The following LIG1 variants were observed in gnomAD, a reference collection of about 807,000 sequenced individuals.
LIG1 encodes the protein DNA ligase 1.
A neutral mutation model predicts 115.7 loss-of-function variants in LIG1; 70 were observed. That is an observed-to-expected ratio of 0.60 (90% confidence interval 0.50 to 0.74). The LOEUF (loss-of-function observed/expected upper bound fraction) is 0.74. LIG1 is among the 30% of genes least tolerant of loss of function. LIG1 has a pLI of 0.00. For synonymous variants in LIG1, 487 were observed against 495.3 expected (o/e 0.98, Z 0.22); for missense variants, 1,115 against 1,225.6 (o/e 0.91, Z 1.35).
intron 1 of LIG1, 49 bp from the exon 2 acceptor site, chr19:48,165,672 T>C (rs1014909187): frequency 3.1e-6 from 4 of 1,310,578 alleles, no homozygotes; most frequent in Non-Finnish European, 4.4e-6. Flanking sequence ...TGTGCAGAGA[T>C]CTAAACACAC....
intron 1 of LIG1, among the ~76,000 whole-genome samples, chr19:48,168,996 GAA>G (rs1251973769): frequency 6.6e-6 from 1 of 152,058 alleles, no homozygotes; most frequent in African/African-American, 2.4e-5. Context: ...ATAATGACAG[GAA>G]AAATATCAAG....
At chr19:48,117,886 C>T in intron 25 of LIG1, 105 bp from the exon 26 acceptor site, 2 of 1,186,748 alleles carry the variant, frequency 1.7e-6, no homozygotes, top group South Asian at 2.6e-5. Context: ...AACAGGCACC[C>T]CCTTGAAGTA....
chr19:48,123,870 A>G (rs1329763601), intron 21 of LIG1, among the ~76,000 whole-genome samples: 1 of 152,028 alleles, frequency 6.6e-6, no homozygotes, highest in African/African-American at 2.4e-5. Flanking sequence ...AAAAAAAAAA[A>G]GTCCTCCTTT....
intron 18 of LIG1, 64 bp downstream of exon 18, chr19:48,132,918 A>G: frequency 8.2e-7 from 1 of 1,215,096 alleles, no homozygotes; most frequent in Admixed American, 1.7e-5. Flanking sequence ...GGCCTCAGTG[A>G]CCCCACACCC....
intron 4 of LIG1, among the ~76,000 whole-genome samples, chr19:48,157,946 G>T (rs536713775): frequency 6.6e-6 from 1 of 152,168 alleles, no homozygotes; most frequent in Non-Finnish European, 1.5e-5. Context: ...TTCAGGTCAC[G>T]TGGGCAGATC....
Position 48,157,073 on chromosome 19 carries a change from G to A in LIG1, c.311C>T (p.Ser104Phe), listed in dbSNP as rs751538734. 29 of 1,613,362 alleles carry A rather than the reference G, an allele frequency of 1.8e-5. No individual in the cohort carries two copies. The highest frequency in any genetic ancestry group is 2.5e-5 in the Non-Finnish European group (29 of 1,179,508). The change falls in exon 5 of 28, where the codon TCC (serine) becomes TTC (phenylalanine). Residue 104 changes from serine to phenylalanine, a missense_variant. Transcript: ENST00000263274. ...RPATSPENNA[S>F]LSDTSPMDSS... Reference sequence around the variant, plus strand: ...GTCCATGGGAGAGGTGTCAGAGAGGGAAGCATTGTTCTCAGGAGATGTGGC... The same window carrying A: ...GTCCATGGGAGAGGTGTCAGAGAGGAAAGCATTGTTCTCAGGAGATGTGGC...
chr19:48,137,166 G>T lies in LIG1; in HGVS notation c.1255-82C>A. On this transcript the variant is annotated intron_variant, in intron 13 of 27. Coordinates refer to ENST00000263274, the MANE Select transcript of LIG1 (RefSeq NM_000234.3). This position sits in a 1 kb window ranked among gnomAD's most constrained non-coding sequence, Gnocchi z 4.3. ...ACCCCACCAGCCGTGCTGCTGCCCT[G>T]CATTTTGGAATACCTGCCCTCCTTC... The T allele has an allele frequency of 8.3e-7, 1 of 1,201,456 alleles. No homozygotes were observed. The highest frequency in any genetic ancestry group is 1.2e-6 in the Non-Finnish European group (1 of 823,918). 74.4% of individuals were successfully genotyped at this position (1,201,456 alleles called of 1,614,324 possible).
At chr19:48,141,764 G>C (rs2034772572) in intron 11 of LIG1, among the ~76,000 whole-genome samples, 1 of 152,178 alleles carries the variant, frequency 6.6e-6, no homozygotes, top group Non-Finnish European at 1.5e-5. Flanking sequence ...TCATTACCGA[G>C]GTTTTTAAGG....
chr19:48,157,353 TTC>T (rs2035916140), intron 4 of LIG1, among the ~76,000 whole-genome samples: 1 of 152,110 alleles, frequency 6.6e-6, no homozygotes, highest in Non-Finnish European at 1.5e-5. Context: ...CCCATAGCTC[TTC>T]TGTTTTCTAC....
In LIG1 at chr19:48,123,071, A is replaced by G. The variant is rs886904766; in HGVS notation, c.2150-55T>C. 6 of 1,611,572 alleles carry G rather than the reference A, an allele frequency of 3.7e-6. No individual in the cohort carries two copies. The Admixed American group carries it at 5.0e-5, about 13-fold the overall frequency. ...GGAAGCCCTGGCTCACAAGCGCCGG[A>G]GCAGGCAGGATTCTGGTCAAACGGT... On this transcript the variant is annotated intron_variant, in intron 22 of 27. Coordinates refer to ENST00000263274, the MANE Select transcript of LIG1 (RefSeq NM_000234.3).
chr19:48,136,849 G>C (rs762646373), intron 14 of LIG1, among the ~76,000 whole-genome samples, 159 bp downstream of exon 14: 12 of 152,204 alleles, frequency 7.9e-5, no homozygotes, highest in Non-Finnish European at 1.8e-4. Context: ...AAAGGAAATG[G>C]TGTCCCTTCC....
At chr19:48,119,328 G>C (rs2033099496) in intron 24 of LIG1, 138 bp from the exon 25 acceptor site, 1 of 738,618 alleles carries the variant, frequency 1.4e-6, no homozygotes, top group South Asian at 1.5e-5. Context: ...CAGGGAAGTA[G>C]GGAGCTGGGG....
At position 48,122,399 on chromosome 19, in the gene LIG1, G is replaced by A. The variant is rs2033348876; in HGVS notation, c.2232+535C>T. 5.4e-6 allele frequency: 1 copy of A among 186,514 alleles called. No homozygotes were observed. The allele number at this position is 186,514 out of a possible 1,614,324, so 11.6% of individuals were successfully genotyped here. The stretch of plus-strand genomic sequence containing the variant: ...TCATCTGGGGCCTGCTCCCCACTCT[G>A]AGCTCACCTCCCGCCTCGCCTGCCC... On this transcript the variant is annotated intron_variant, in intron 23 of 27. Coordinates refer to ENST00000263274, the MANE Select transcript of LIG1 (RefSeq NM_000234.3). This position sits in a 1 kb window ranked among gnomAD's most constrained non-coding sequence, Gnocchi z 4.3.
chr19:48,150,107 C>T lies in LIG1; in HGVS notation c.678G>A (p.Lys226=). The T allele has an allele frequency of 6.2e-7, 1 of 1,614,212 alleles. No homozygotes were observed. The highest frequency in any genetic ancestry group is 1.1e-5 in the South Asian group (1 of 91,084). The change falls in exon 8 of 28, where the codon AAG becomes AAA. Residue 226 remains lysine, a synonymous_variant. Coordinates refer to ENST00000263274, the MANE Select transcript of LIG1 (RefSeq NM_000234.3). ...ACTCACTGAAGAAGCTGCTGAGCGTCTTGGGAGCTCTGCGGGGAGGCTTGG... is the reference window on the plus strand; with the variant it reads ...ACTCACTGAAGAAGCTGCTGAGCGTTTTGGGAGCTCTGCGGGGAGGCTTGG... ...EQTKPPRRAP[K]TLSSFFTPRK...
chr19:48,126,458 T>C (rs957603506), intron 21 of LIG1, among the ~76,000 whole-genome samples: 2 of 151,906 alleles, frequency 1.3e-5, no homozygotes, highest in African/African-American at 2.4e-5. Context: ...ATACAAAAAT[T>C]AGCTGGACCT....
chr19:48,148,429 C>T (rs1401973955), intron 9 of LIG1, among the ~76,000 whole-genome samples: 2 of 148,344 alleles, frequency 1.3e-5, no homozygotes, highest in Non-Finnish European at 3.0e-5. Context: ...GAGCTGAGAT[C>T]GTGCCACTGC....
chr19:48,159,291 C>T (rs777449529), intron 4 of LIG1, among the ~76,000 whole-genome samples: 1 of 152,168 alleles, frequency 6.6e-6, no homozygotes, highest in South Asian at 2.1e-4. Context: ...TGGCTGCTCT[C>T]GAACTTCTGA....
chr19:48,127,089 A>T (rs2033720955), intron 21 of LIG1, 188 bp downstream of exon 21: 4 of 609,034 alleles, frequency 6.6e-6, no homozygotes, highest in Non-Finnish European at 1.2e-5. Context: ...GACCTTGAAG[A>T]TGTCCTTGAA....
At position 48,140,007 on chromosome 19, in the gene LIG1, C is replaced by T; in HGVS notation, c.1051G>A (p.Asp351Asn). Residue 351 changes from aspartate to asparagine, a missense_variant, in exon 12 of 28, where the codon GAT (aspartate) becomes AAT (asparagine). Asp to Asn is a conservative substitution (Grantham distance 23). Coordinates refer to ENST00000263274, the MANE Select transcript of LIG1 (RefSeq NM_000234.3). ...GCCACTGCCTTGAGAAGGACACCAT[C>T]ACCCACGCCAAGCTCCAGGCCCTGC... ...PQQGLELGVG[D>N]GVLLKAVAQA... is the part of the protein sequence containing the mutation. 1 of 1,614,154 alleles carries T rather than the reference C, an allele frequency of 6.2e-7. No individual in the cohort carries two copies. Among genetic ancestry groups the T allele is most frequent in the Non-Finnish European group, 8.5e-7 (1 of 1,180,042 alleles).
Sources: gnomAD v4.1 joint callset for allele counts (sites outside exome capture counted in the v4.1 genomes callset) on GRCh38, gnomAD v4.1.1 for gene constraint, Gnocchi (gnomAD v3.1) non-coding constraint, MANE v1.5 for transcripts, NCBI Gene and HGNC (gene_info 2026-07-23, HGNC 2026-07-21) for gene names.